FOCAD: variants seen among roughly 807,000 people sequenced by gnomAD.
FOCAD encodes the protein focadhesin, also known as KIAA1797.
FOCAD carries 198 observed loss-of-function variants against 225.6 expected under a neutral mutation model. The observed-to-expected ratio is 0.88, with a 90% confidence interval of 0.78 to 0.99. FOCAD has a LOEUF of 0.99. FOCAD is among the 50% of genes least tolerant of loss of function. FOCAD has a pLI of 0.00. For synonymous variants in FOCAD, 897 were observed against 755.0 expected, an observed-to-expected ratio of 1.19 and a Z score of -3.08; for missense variants, 2,713 against 2,123.6, an observed-to-expected ratio of 1.28 and a Z score of -5.46.
intron 11 of FOCAD, among the ~76,000 whole-genome samples, chr9:20,799,159 G>A (rs1014683168): frequency 2.0e-5 from 3 of 152,182 alleles, no homozygotes; most frequent in African/African-American, 7.2e-5. Flanking sequence ...GAGCGGTTTT[G>A]AGTGAGTTTC....
At chr9:20,819,327 C>T (rs557590004) in intron 11 of FOCAD, among the ~76,000 whole-genome samples, 2 of 152,210 alleles carry the variant, frequency 1.3e-5, no homozygotes, top group Admixed American at 1.3e-4. Context: ...GATCCTCCCA[C>T]CTTACCTTCC....
chr9:20,686,594 C>T (rs1053112016), intron 1 of FOCAD, among the ~76,000 whole-genome samples: 61 of 152,136 alleles, frequency 4.0e-4, no homozygotes, highest in African/African-American at 1.4e-3. Context: ...AAATCTTGAT[C>T]TTAATCAGTA....
At chr9:20,938,533 A>G (rs920271694) in intron 28 of FOCAD, among the ~76,000 whole-genome samples, 5 of 151,546 alleles carry the variant, frequency 3.3e-5, no homozygotes, top group Non-Finnish European at 5.9e-5. Flanking sequence ...GAACAATGAG[A>G]ACACATGGAC....
At chr9:20,846,926 C>G (rs1256876858) in intron 15 of FOCAD, among the ~76,000 whole-genome samples, 1 of 152,038 alleles carries the variant, frequency 6.6e-6, no homozygotes, top group Non-Finnish European at 1.5e-5. Context: ...TTAGTATTAC[C>G]TTTCATGTTA....
At chr9:20,671,714 CA>C (rs1487168336) in intron 2 of FOCAD, among the ~76,000 whole-genome samples, 1 of 151,712 alleles carries the variant, frequency 6.6e-6, no homozygotes, top group East Asian at 1.9e-4. Context: ...TCCTGGCAGG[CA>C]AAAAAAGGGC....
At chr9:20,787,844 G>C (rs1423249768) in intron 10 of FOCAD, among the ~76,000 whole-genome samples, 1 of 151,918 alleles carries the variant, frequency 6.6e-6, no homozygotes, top group African/African-American at 2.4e-5. Flanking sequence ...TAGCACTCGA[G>C]TCATACTATC....
chr9:20,664,246 T>G (rs966329186), intron 2 of FOCAD, among the ~76,000 whole-genome samples: 1 of 150,696 alleles, frequency 6.6e-6, no homozygotes, highest in Non-Finnish European at 1.5e-5. Flanking sequence ...TAAATTTATA[T>G]CTATTTGTGA....
rs926279505 is a variant in FOCAD at position 20,717,924 on chromosome 9, A to T, written c.132+56A>T. 5 of 1,331,646 alleles carry T rather than the reference A, an allele frequency of 3.8e-6. No homozygotes were observed. In the East Asian group the frequency reaches 1.2e-4, roughly 31 times the overall value. The allele number at this position is 1,331,646 out of a possible 1,614,324, so 82.5% of individuals were successfully genotyped here. ...TTCAGATAAGATTGCTACTAGCTGG[A>T]TCACATATGCACCTGTCTTGTTTCC... On this transcript the variant is annotated intron_variant, in intron 3 of 43. Transcript: ENST00000338382.
intron 5 of FOCAD, 59 bp from the exon 6 acceptor site, chr9:20,758,031 A>C (rs991639566): frequency 9.1e-7 from 1 of 1,099,990 alleles, no homozygotes; most frequent in Admixed American, 2.3e-5. Flanking sequence ...CTATATTTGG[A>C]TATTGAAAAT....
At chr9:20,787,485 T>C (rs1484592793) in intron 10 of FOCAD, among the ~76,000 whole-genome samples, 1 of 152,210 alleles carries the variant, frequency 6.6e-6, no homozygotes, top group Non-Finnish European at 1.5e-5. Flanking sequence ...TGTTTGTCAT[T>C]AGTCTAAAAA....
intron 18 of FOCAD, among the ~76,000 whole-genome samples, chr9:20,870,095 AT>A (rs1829632834): frequency 1.3e-5 from 2 of 152,186 alleles, no homozygotes; most frequent in Non-Finnish European, 2.9e-5. Flanking sequence ...TAGGTAGAAG[AT>A]ACTGACTTTT....
chr9:20,724,894 C>G (rs1047877075), intron 4 of FOCAD, among the ~76,000 whole-genome samples: 3 of 152,122 alleles, frequency 2.0e-5, no homozygotes, highest in African/African-American at 7.2e-5. Context: ...ATGGGCCAGG[C>G]GTGGTGGCTC....
intron 22 of FOCAD, among the ~76,000 whole-genome samples, chr9:20,909,561 G>T (rs1038091887): frequency 6.6e-6 from 1 of 151,978 alleles, no homozygotes; most frequent in African/African-American, 2.4e-5. Flanking sequence ...GTGATGGTTG[G>T]TATCTTTATT....
intron 15 of FOCAD, among the ~76,000 whole-genome samples, chr9:20,828,386 C>T (rs1281035555): frequency 6.6e-6 from 1 of 151,986 alleles, no homozygotes; most frequent in African/African-American, 2.4e-5. Flanking sequence ...AATAATGCTG[C>T]TATGAACATT....
intron 15 of FOCAD, among the ~76,000 whole-genome samples, chr9:20,855,218 T>A (rs913551269): frequency 6.6e-6 from 1 of 151,626 alleles, no homozygotes; most frequent in African/African-American, 2.4e-5. Context: ...AAATAGTGGT[T>A]TAAAATGGTG....
chr9:20,920,140 C>T (rs543748942), intron 24 of FOCAD, among the ~76,000 whole-genome samples: 8 of 152,148 alleles, frequency 5.3e-5, no homozygotes, highest in African/African-American at 1.9e-4. Flanking sequence ...ACCCCATCAA[C>T]AAGTGGGCGA....
chr9:20,818,503 A>G (rs79222939), intron 11 of FOCAD, among the ~76,000 whole-genome samples: 2,011 of 152,204 alleles, frequency 0.013, 22 homozygotes, highest in Non-Finnish European at 0.022. Context: ...TAGCTCGTAC[A>G]TTTAGTTCTA....
intron 6 of FOCAD, among the ~76,000 whole-genome samples, chr9:20,760,392 C>T (rs1829475511): frequency 6.6e-6 from 1 of 152,220 alleles, no homozygotes; most frequent in Non-Finnish European, 1.5e-5. Context: ...TCATAGTAGG[C>T]TTAGTATATG....
At chr9:20,916,468 A>G (rs1287215328) in intron 23 of FOCAD, among the ~76,000 whole-genome samples, 3 of 152,230 alleles carry the variant, frequency 2.0e-5, no homozygotes, top group Non-Finnish European at 2.9e-5. Flanking sequence ...CATGTAAAAA[A>G]GAGAGACTGT....
Sources: allele counts gnomAD v4.1 joint callset (sites outside exome capture counted in the v4.1 genomes callset), GRCh38; gene constraint gnomAD v4.1.1; transcripts MANE v1.5; gene names NCBI Gene and HGNC (gene_info 2026-07-23, HGNC 2026-07-21).